Variants in ARHGAP28 observed in about 807,000 individuals in gnomAD.
ARHGAP28 encodes the protein Rho GTPase activating protein 28, also known as rho GTPase-activating protein 28.
Under a neutral mutation model 90.7 loss-of-function variants are expected in ARHGAP28, and 56 were observed. The observed-to-expected ratio is 0.62, with a 90% CI of 0.50 to 0.77. ARHGAP28 has a LOEUF of 0.77. ARHGAP28 is among the 30% of genes least tolerant of loss of function. ARHGAP28 has a pLI of 0.00. For missense variants in ARHGAP28, 869 were observed against 900.9 expected, an observed-to-expected ratio of 0.96 and a Z score of 0.45; for synonymous variants, 308 against 323.3, an observed-to-expected ratio of 0.95 and a Z score of 0.51.
chr18:6,781,384 C>G (rs562549622), intron 1 of ARHGAP28, among the ~76,000 whole-genome samples: 1 of 152,270 alleles, frequency 6.6e-6, no homozygotes, highest in South Asian at 2.1e-4. Flanking sequence ...CAGCCCCTGC[C>G]ACGGGGATCC....
chr18:6,825,940 A>T (rs1283933917), intron 2 of ARHGAP28, among the ~76,000 whole-genome samples: 1 of 152,148 alleles, frequency 6.6e-6, no homozygotes, highest in Non-Finnish European at 1.5e-5. Context: ...TCTTTTTAGT[A>T]TAATAATCTA....
At chr18:6,854,267 T>C (rs2376531) in intron 4 of ARHGAP28, among the ~76,000 whole-genome samples, 76,220 of 151,846 alleles carry the variant, frequency 0.5, 20,464 homozygotes, top group Non-Finnish European at 0.61. Flanking sequence ...TTTAGTTGCC[T>C]GGACCTCATT....
chr18:6,908,370 C>T (rs1465506088), intron 16 of ARHGAP28, among the ~76,000 whole-genome samples: 2 of 152,032 alleles, frequency 1.3e-5, no homozygotes, highest in East Asian at 3.9e-4. Flanking sequence ...AACTCCTGAC[C>T]TCAGATGATC....
chr18:6,822,965 A>G (rs1488075213), intron 1 of ARHGAP28, among the ~76,000 whole-genome samples: 2 of 152,234 alleles, frequency 1.3e-5, no homozygotes, highest in African/African-American at 4.8e-5. Flanking sequence ...GCTGCTCAGC[A>G]TGTCAACATG....
chr18:6,730,196 G>T, intron 1 of ARHGAP28: 1 of 267,560 alleles, frequency 3.7e-6, no homozygotes. Flanking sequence ...TTGCATTCTT[G>T]ATACGATTTG....
In ARHGAP28 at chr18:6,890,436, T is replaced by C. The variant is rs769561900; in HGVS notation, c.1741T>C (p.Ser581Pro). The change falls in exon 14 of 18, where the codon TCT (serine) becomes CCT (proline). Residue 581 changes from serine (S) to proline (P), a missense_variant. Coordinates refer to ENST00000383472, the MANE Select transcript of ARHGAP28 (RefSeq NM_001366230.1). ...KYQKILWKVP[S>P]FLITQVRRMN... ...AGCTATTTTTCTTCTCCAGGTTCCATCTTTCTTAATCACTCAAGTAAGAAG... is the reference window on the plus strand; with the variant it reads ...AGCTATTTTTCTTCTCCAGGTTCCACCTTTCTTAATCACTCAAGTAAGAAG... 3.1e-6 allele frequency: 5 copies of C among 1,605,142 alleles called. No individual in the cohort carries two copies. The highest frequency in any genetic ancestry group is 4.3e-6 in the Non-Finnish European group (5 of 1,174,308).
intron 16 of ARHGAP28, among the ~76,000 whole-genome samples, chr18:6,900,219 A>G (rs573700973): frequency 2.0e-5 from 3 of 152,288 alleles, no homozygotes; most frequent in Admixed American, 6.5e-5. Context: ...TGAAAATTAA[A>G]TAAGCCCCAG....
intron 1 of ARHGAP28, among the ~76,000 whole-genome samples, chr18:6,736,475 C>T (rs1016813228): frequency 2.6e-5 from 4 of 152,106 alleles, no homozygotes; most frequent in African/African-American, 9.6e-5. Context: ...TGCAGTGGCT[C>T]ACACCTGTAA....
chr18:6,786,704 A>G (rs934296517), intron 1 of ARHGAP28, among the ~76,000 whole-genome samples: 2 of 152,198 alleles, frequency 1.3e-5, no homozygotes, highest in Non-Finnish European at 2.9e-5. Flanking sequence ...TTATCCTCAC[A>G]GCAAGAACTG....
chr18:6,913,928 T>G lies in ARHGAP28; in HGVS notation c.*1774T>G, dbSNP rs1447681712. 2 of 152,200 alleles carry G rather than the reference T, an allele frequency of 1.3e-5. No individual in the cohort carries two copies. Among genetic ancestry groups the G allele is most frequent in the Non-Finnish European group, 2.9e-5 (2 of 68,020 alleles). The allele number at this position is 152,200 out of a possible 1,614,324, so 9.4% of individuals were successfully genotyped here. A position where few individuals can be genotyped will look rare whatever the true frequency, so the allele number is the denominator to read the frequency against. ...AGACAAGGGTAAACATTTTACTTTATGTAATTGCCACATCCCAAGATGTAA... is the reference window on the plus strand; with the variant it reads ...AGACAAGGGTAAACATTTTACTTTAGGTAATTGCCACATCCCAAGATGTAA... On this transcript the variant is annotated 3_prime_UTR_variant, in exon 18 of 18. Transcript: ENST00000383472.
intron 3 of ARHGAP28, among the ~76,000 whole-genome samples, chr18:6,850,487 C>A (rs1042677234): frequency 2.1e-4 from 32 of 152,302 alleles, no homozygotes; most frequent in African/African-American, 6.3e-4. Flanking sequence ...GCTGCCCTGG[C>A]AGTGATCTAT....
At chr18:6,792,022 C>G (rs1316633165) in intron 1 of ARHGAP28, among the ~76,000 whole-genome samples, 1 of 152,096 alleles carries the variant, frequency 6.6e-6, no homozygotes, top group Non-Finnish European at 1.5e-5. Flanking sequence ...GTCTCGAACT[C>G]CTGACTTCAG....
At chr18:6,768,684 T>C (rs1229586899) in intron 1 of ARHGAP28, among the ~76,000 whole-genome samples, 1 of 152,208 alleles carries the variant, frequency 6.6e-6, no homozygotes, top group Non-Finnish European at 1.5e-5. Context: ...TTAATTGAGC[T>C]CTTTGTCTCT....
At chr18:6,842,402 A>C (rs772549981) in intron 3 of ARHGAP28, among the ~76,000 whole-genome samples, 1 of 152,094 alleles carries the variant, frequency 6.6e-6, no homozygotes, top group African/African-American at 2.4e-5. Context: ...CATATTGCTA[A>C]TTTACTGAAG....
rs1018499871 is a variant in ARHGAP28 at position 6,915,592 on chromosome 18, A to T, written c.*3438A>T. On this transcript the variant is annotated 3_prime_UTR_variant, in exon 18 of 18. Transcript: ENST00000383472. ...CAAATCATGACACTAGAAAACGCCA[A>T]TGTTTTATGTCTTTGCCCATCTCAA... 1 of 152,180 alleles carries T rather than the reference A, an allele frequency of 6.6e-6. No individual in the cohort carries two copies. The allele number at this position is 152,180 out of a possible 1,614,324, so 9.4% of individuals were successfully genotyped here. A position where few individuals can be genotyped will look rare whatever the true frequency, so the allele number is the denominator to read the frequency against.
chr18:6,842,589 G>A (rs1004029832), intron 3 of ARHGAP28, among the ~76,000 whole-genome samples: 1 of 152,030 alleles, frequency 6.6e-6, no homozygotes, highest in Non-Finnish European at 1.5e-5. Context: ...TTTTAGCATC[G>A]TTGTTTTTCT....
At chr18:6,884,009 A>T (rs749626762) in intron 11 of ARHGAP28, among the ~76,000 whole-genome samples, 2 of 152,048 alleles carry the variant, frequency 1.3e-5, no homozygotes, top group Non-Finnish European at 2.9e-5. Context: ...TGTTGAGGTG[A>T]CCTATCTTTT....
At chr18:6,870,867 C>G in intron 7 of ARHGAP28, 135 bp downstream of exon 7, 2 of 867,698 alleles carry the variant, frequency 2.3e-6, no homozygotes, top group Non-Finnish European at 3.4e-6. Flanking sequence ...GTGGCGCGAT[C>G]TCGGCTCACT....
intron 2 of ARHGAP28, among the ~76,000 whole-genome samples, chr18:6,830,087 T>C (rs898344187): frequency 6.6e-6 from 1 of 152,208 alleles, no homozygotes; most frequent in Admixed American, 6.5e-5. Flanking sequence ...CTTCTTCTTA[T>C]AAAGATACCA....
Sources: allele counts gnomAD v4.1 joint callset (sites outside exome capture counted in the v4.1 genomes callset), GRCh38; gene constraint gnomAD v4.1.1; transcripts MANE v1.5; gene names NCBI Gene and HGNC (gene_info 2026-07-23, HGNC 2026-07-21).